The following ZGRF1 variants were observed in gnomAD, a reference collection of about 807,000 sequenced individuals.
ZGRF1 encodes the protein zinc finger GRF-type containing 1.
Under a neutral mutation model 203.5 loss-of-function variants are expected in ZGRF1, and 196 were observed. That is an observed-to-expected ratio of 0.96 (90% CI 0.86 to 1.08). The LOEUF (loss-of-function observed/expected upper bound fraction) is 1.08, where lower values mean the gene tolerates loss of function less well. Among genes scored for constraint, ZGRF1 ranks in the 50% least tolerant of loss-of-function variants. ZGRF1 has a pLI of 0.00. For missense variants in ZGRF1, 2,326 were observed against 2,416.3 expected (o/e 0.96, Z 0.78); for synonymous variants, 809 against 841.3 (o/e 0.96, Z 0.66).
At chr4:112,548,510 T>C (rs1739274297) in intron 22 of ZGRF1, 130 bp from the exon 23 acceptor site, 1 of 634,746 alleles carries the variant, frequency 1.6e-6, no homozygotes, top group East Asian at 2.9e-5. Flanking sequence ...CCATCAGAAA[T>C]CTTAGGTCAT....
At position 112,618,318 on chromosome 4, in the gene ZGRF1, C is replaced by A; in HGVS notation, c.1724G>T (p.Arg575Met). The A allele has an allele frequency of 6.2e-7, 1 of 1,613,874 alleles. No homozygotes were observed. The highest frequency in any genetic ancestry group is 2.2e-5 in the East Asian group (1 of 44,842). ...VNDGNSCFQK[R>M]SENTNCEEIE... ...CTCTTCACAGTTTGTATTCTCAGAC[C>A]TCTTTTGAAAACATGAATTGCCATC... Residue 575 changes from arginine to methionine, a missense_variant, in exon 6 of 28, where the codon AGG becomes ATG. Physicochemically the swap from Arg to Met is moderately conservative, Grantham distance 91. Transcript: ENST00000505019.
At chr4:112,546,173 A>G (rs900251749) in intron 24 of ZGRF1, among the ~76,000 whole-genome samples, 1 of 152,040 alleles carries the variant, frequency 6.6e-6, no homozygotes, top group African/African-American at 2.4e-5. Flanking sequence ...ATATTGTATG[A>G]TTCCATTTAT....
chr4:112,624,031 T>G (rs1285793881), intron 3 of ZGRF1, 155 bp from the exon 4 acceptor site: 2 of 585,938 alleles, frequency 3.4e-6, no homozygotes, highest in Non-Finnish European at 6.1e-6. Flanking sequence ...CTATTTTGAA[T>G]GTTTATTATG....
rs1170627689 is a variant in ZGRF1 at position 112,547,401 on chromosome 4, A to G, written c.5482T>C (p.Cys1828Arg). The G allele has an allele frequency of 9.3e-6, 15 of 1,608,976 alleles. No individual in the cohort carries two copies. The highest frequency in any genetic ancestry group is 1.3e-5 in the Non-Finnish European group (15 of 1,178,338). ...ASLLPIARFE[C>R]EKLILVGDPK... ...TCCCCAACAAGAATCAGCTTTTCAC[A>G]CTCAAACCTAAAACAGAATTTCAAA... Residue 1828 changes from cysteine to arginine, a missense_variant, in exon 24 of 28, where the codon TGT becomes CGT. By Grantham distance (180) the Cys-to-Arg change is radical. Coordinates refer to ENST00000505019, the MANE Select transcript of ZGRF1 (RefSeq NM_018392.5).
Position 112,541,064 on chromosome 4 carries a change from G to A in ZGRF1, c.5775+28C>T, listed in dbSNP as rs1203115722. On this transcript the variant is annotated intron_variant, in intron 25 of 27. Coordinates refer to ENST00000505019, the MANE Select transcript of ZGRF1 (RefSeq NM_018392.5). The stretch of plus-strand genomic sequence containing the variant: ...TTAAACCAGGAACCTAAACCATGTT[G>A]ACTCTCATCAACATTAATGTCATTT... The A allele has an allele frequency of 1.5e-5, 24 of 1,556,196 alleles. No homozygotes were observed. The Admixed American group carries it at 1.9e-4, about 13-fold the overall frequency.
chr4:112,625,585 CA>C (rs35757277), intron 3 of ZGRF1, among the ~76,000 whole-genome samples: 95 of 102,346 alleles, frequency 9.3e-4, no homozygotes, highest in Middle Eastern at 6.8e-3. Flanking sequence ...GATTCCGTCT[CA>C]AAAAAAAAAA....
chr4:112,588,265 C>T (rs1348990136), intron 11 of ZGRF1, among the ~76,000 whole-genome samples: 1 of 151,942 alleles, frequency 6.6e-6, no homozygotes, highest in East Asian at 1.9e-4. Context: ...ATGCATCATT[C>T]TCATTTTACA....
At chr4:112,608,298 A>G (rs1398231855) in intron 8 of ZGRF1, among the ~76,000 whole-genome samples, 1 of 152,198 alleles carries the variant, frequency 6.6e-6, no homozygotes, top group Non-Finnish European at 1.5e-5. Context: ...TCTGTAGTTT[A>G]TACTCTGTGA....
intron 12 of ZGRF1, 45 bp downstream of exon 12, chr4:112,587,235 A>G (rs956864430): frequency 1.2e-5 from 19 of 1,523,730 alleles, no homozygotes; most frequent in Non-Finnish European, 1.2e-5. Context: ...AATTCAGACA[A>G]TAACTATTGG....
chr4:112,558,183 G>C lies in ZGRF1; in HGVS notation c.5087C>G (p.Ser1696Cys), dbSNP rs3762891. The C allele has an allele frequency of 1.1e-3, 1,798 of 1,609,168 alleles. 30 individuals carry two copies. In the East Asian group the frequency reaches 0.032, roughly 29 times the overall value. Residue 1696 changes from serine (S) to cysteine (C), a missense_variant, in exon 20 of 28, where the codon TCT becomes TGT. By Grantham distance (112) the Ser-to-Cys change is moderately radical (BLOSUM62 -1). Transcript: ENST00000505019. ...TACTCTGTCAACAGCCACATTAGTA[G>C]AAGAAGAAATCAGAAGTTTCCACGG... ...ARPWKLLISSSTNVAVDRVLL... is the reference protein window; with the variant it reads ...ARPWKLLISSCTNVAVDRVLL...
In ZGRF1 at chr4:112,565,146, A is replaced by G. The variant is rs995400088; in HGVS notation, c.4439-1872T>C. On this transcript the variant is annotated intron_variant, in intron 16 of 27. Transcript: ENST00000505019. Reference sequence around the variant, plus strand: ...GTACTGTGGCGCTCCGTGAAATTAGATGTTATCAGAAGTCCACTGAACTTC... The same window carrying G: ...GTACTGTGGCGCTCCGTGAAATTAGGTGTTATCAGAAGTCCACTGAACTTC... The G allele has an allele frequency of 2.4e-5, 35 of 1,445,460 alleles. No homozygotes were observed. The African/African-American group carries it at 4.5e-4, about 18-fold the overall frequency. The allele number at this position is 1,445,460 out of a possible 1,614,324, so 89.5% of individuals were successfully genotyped here. A position where few individuals can be genotyped will look rare whatever the true frequency, so the allele number is the denominator to read the frequency against.
At position 112,565,722 on chromosome 4, in the gene ZGRF1, T is replaced by C. The variant is rs530822788; in HGVS notation, c.4439-2448A>G. Among the ~76,000 whole-genome samples, 766 of 152,282 alleles carry C rather than the reference T, an allele frequency of 5.0e-3. 11 individuals carry two copies. Among genetic ancestry groups the C allele is most frequent in the African/African-American group, 0.018 (736 of 41,546 alleles). ...GATGCTTCTCAAAAGAAGACATTTA[T>C]GCAGCCAAAAAACACATGAAAAAAT... On this transcript the variant is annotated intron_variant, in intron 16 of 27. Coordinates refer to ENST00000505019, the MANE Select transcript of ZGRF1 (RefSeq NM_018392.5).
At chr4:112,561,242 T>G (rs2148892828) in intron 18 of ZGRF1, 1 of 446,110 alleles carries the variant, frequency 2.2e-6, no homozygotes, top group Non-Finnish European at 4.1e-6. Context: ...TACATATTAC[T>G]TGATGAAATC....
At chr4:112,572,559 A>G (rs1458104282) in intron 16 of ZGRF1, among the ~76,000 whole-genome samples, 2 of 152,232 alleles carry the variant, frequency 1.3e-5, no homozygotes, top group Non-Finnish European at 2.9e-5. Context: ...ACTTAATTAA[A>G]CTATTAGTAA....
chr4:112,541,716 C>T (rs985344304), intron 24 of ZGRF1, among the ~76,000 whole-genome samples: 5 of 151,756 alleles, frequency 3.3e-5, no homozygotes, highest in South Asian at 4.2e-4. Flanking sequence ...TTTGTAGAGA[C>T]GGGGTTTCCC....
chr4:112,552,162 C>T (rs1236279379), intron 22 of ZGRF1, among the ~76,000 whole-genome samples: 1 of 151,720 alleles, frequency 6.6e-6, no homozygotes, highest in Non-Finnish European at 1.5e-5. Context: ...CCTGTAGTCC[C>T]AGCTACTCAG....
chr4:112,634,349 G>A (rs1407266252), intron 1 of ZGRF1, among the ~76,000 whole-genome samples: 2 of 152,160 alleles, frequency 1.3e-5, no homozygotes. Context: ...CCTTAGTCAA[G>A]GGAAGGCCAG....
chr4:112,540,834 G>T lies in ZGRF1; in HGVS notation c.5897C>A (p.Ser1966Tyr), dbSNP rs766950130. 6.3e-6 allele frequency: 10 copies of T among 1,594,134 alleles called. No homozygotes were observed. The East Asian group carries it at 1.4e-4, about 22-fold the overall frequency. ...CATAATACCAACCTTGTACATCTGG[G>T]ATTTGTATAATGTTATCACACCAAT... ...SMIGVITLYK[S>Y]QMYKLCHLLS... The change falls in exon 26 of 28, where the codon TCC (serine) becomes TAC (tyrosine). Residue 1966 changes from serine to tyrosine, a missense_variant. By Grantham distance (144) the Ser-to-Tyr change is moderately radical. Transcript: ENST00000505019.
chr4:112,606,598 T>C (rs1418624424), intron 8 of ZGRF1, among the ~76,000 whole-genome samples: 1 of 149,484 alleles, frequency 6.7e-6, no homozygotes, highest in Non-Finnish European at 1.5e-5. Context: ...GCAGAGATTG[T>C]GGTGAGCTGA....
Sources: gnomAD v4.1 joint callset for allele counts (sites outside exome capture counted in the v4.1 genomes callset) on GRCh38, gnomAD v4.1.1 for gene constraint, MANE v1.5 for transcripts, NCBI Gene and HGNC (gene_info 2026-07-23, HGNC 2026-07-21) for gene names.